PEG3: variants seen among roughly 807,000 people sequenced by gnomAD.
PEG3 encodes the protein paternally expressed 3, also known as paternally-expressed gene 3 protein.
In PEG3, 23 loss-of-function variants were observed where a neutral mutation model predicts 35.5. The ratio of observed to expected loss-of-function variants is 0.65; its 90% CI spans 0.47 to 0.92. The LOEUF (loss-of-function observed/expected upper bound fraction) is 0.92. Among genes scored for constraint, PEG3 ranks in the 40% least tolerant of loss-of-function variants. PEG3 has a pLI of 0.00. For missense variants in PEG3, 1,960 were observed against 1,985.3 expected, an observed-to-expected ratio of 0.99 and a Z score of 0.24; for synonymous variants, 707 against 697.0, an observed-to-expected ratio of 1.01 and a Z score of -0.23.
intron 2 of PEG3, among the ~76,000 whole-genome samples, chr19:56,834,497 C>T (rs2061883422): frequency 6.6e-6 from 1 of 152,214 alleles, no homozygotes; most frequent in South Asian, 2.1e-4. Flanking sequence ...ATACACACTG[C>T]TGAGTACTTG....
intron 1 of PEG3, among the ~76,000 whole-genome samples, chr19:56,839,313 T>C (rs1393553268): frequency 6.9e-6 from 1 of 143,998 alleles, no homozygotes; most frequent in African/African-American, 2.6e-5. Flanking sequence ...TCATATCCAA[T>C]GCTACACAGT....
At chr19:56,835,198 A>G (rs2061968354) in intron 2 of PEG3, among the ~76,000 whole-genome samples, 1 of 152,084 alleles carries the variant, frequency 6.6e-6, no homozygotes, top group South Asian at 2.1e-4. Context: ...GCACCCTGAA[A>G]CCAGATGATC....
At position 56,832,511 on chromosome 19, in the gene PEG3, G is replaced by A. The variant is rs567837698; in HGVS notation, c.-163+3507C>T. 1.5e-4 allele frequency among the ~76,000 whole-genome samples: 23 copies of A among 152,308 alleles called. No individual in the cohort carries two copies. The South Asian group carries it at 4.8e-3, about 32-fold the overall frequency. ...CATATCCTTCCTGGCTTGAAGGTGG[G>A]CTCCCACACACCCCTCATTACTAAA... On this transcript the variant is annotated intron_variant, in intron 2 of 9. Transcript: ENST00000326441.
rs548918125 is a variant in PEG3, at chr19:56,838,518, A to G, written c.-250+2064T>C. On this transcript the variant is annotated intron_variant, in intron 1 of 9. Transcript: ENST00000326441. ...AACCCGCCTCGCAGCTCCCCCACTA[A>G]GCCGCCCCCATACACAAGATGGAAC... 2.6e-5 allele frequency among the ~76,000 whole-genome samples: 4 copies of G among 151,730 alleles called. No homozygotes were observed. The South Asian group carries it at 8.3e-4, about 31-fold the overall frequency.
intron 2 of PEG3, among the ~76,000 whole-genome samples, chr19:56,828,439 T>C (rs1258424579): frequency 2.0e-5 from 3 of 152,152 alleles, no homozygotes; most frequent in Non-Finnish European, 4.4e-5. Flanking sequence ...CATCTGCCCA[T>C]GTGCACAAAG....
At position 56,823,583 on chromosome 19, in the gene PEG3, T is replaced by C. The variant is rs756483823; in HGVS notation, c.481+10A>G. 3 of 1,614,022 alleles carry C rather than the reference T, an allele frequency of 1.9e-6. No homozygotes were observed. The South Asian group carries it at 3.3e-5, about 18-fold the overall frequency. On this transcript the variant is annotated intron_variant, in intron 5 of 9. Coordinates refer to ENST00000326441, the MANE Select transcript of PEG3 (RefSeq NM_006210.3). ...CCCATGGGTGACCAGTGGGGATGGG[T>C]ACTCACCACTGAAAGAATGGACTGA...
intron 2 of PEG3, chr19:56,833,059 G>C (rs923668325): frequency 2.2e-6 from 1 of 451,968 alleles, no homozygotes; most frequent in South Asian, 1.6e-5. Flanking sequence ...TGATGGGTCA[G>C]TGTTCAACTG....
intron 6 of PEG3, 43 bp from the exon 7 acceptor site, chr19:56,821,797 A>T: frequency 6.2e-7 from 1 of 1,606,156 alleles, no homozygotes; most frequent in East Asian, 2.2e-5. Flanking sequence ...GGCCCAGTCC[A>T]TCCTGCAGGT....
intron 7 of PEG3, among the ~76,000 whole-genome samples, chr19:56,821,253 A>T (rs2060458592): frequency 1.3e-5 from 2 of 152,196 alleles, no homozygotes; most frequent in South Asian, 4.1e-4. Context: ...CCAGGCTTTA[A>T]ACCCAGCTCC....
At position 56,810,218 on chromosome 19, in the gene PEG3, T is replaced by C. The variant is rs1162075774; in HGVS notation, c.*3457A>G. On this transcript the variant is annotated 3_prime_UTR_variant, in exon 10 of 10. Transcript: ENST00000326441. ...GATGTTAACCACACTCTTTGGATGGTGAAAACATGGGTGAGTTTCTCTTCT... is the reference window on the plus strand; with the variant it reads ...GATGTTAACCACACTCTTTGGATGGCGAAAACATGGGTGAGTTTCTCTTCT... 6.1e-6 allele frequency: 6 copies of C among 982,966 alleles called. No individual in the cohort carries two copies. Among genetic ancestry groups the C allele is most frequent in the Non-Finnish European group, 7.2e-6 (6 of 827,816 alleles). 60.9% of individuals were successfully genotyped at this position (982,966 alleles called of 1,614,324 possible).
chr19:56,814,569 G>A lies in PEG3; in HGVS notation c.3873C>T (p.Phe1291=), dbSNP rs747269638. The A allele has an allele frequency of 1.4e-5, 23 of 1,613,694 alleles. No homozygotes were observed. Among genetic ancestry groups the A allele is most frequent in the African/African-American group, 1.1e-4 (8 of 74,914 alleles). ...GATCTGCAAGTTCTGCTGGGTTGAC[G>A]AAAGATTCTCCACAGACTGCACATT... The part of the protein sequence containing the change: ...LFECAVCGES[F]VNPAELADHV... The change falls in exon 10 of 10, where the codon TTC becomes TTT. Residue 1291 remains phenylalanine, a synonymous_variant. Coordinates refer to ENST00000326441, the MANE Select transcript of PEG3 (RefSeq NM_006210.3). This position sits in a 1 kb window ranked among gnomAD's most constrained non-coding sequence, Gnocchi z 5.8.
chr19:56,820,510 T>C (rs1187969370), intron 7 of PEG3, among the ~76,000 whole-genome samples: 2 of 152,214 alleles, frequency 1.3e-5, no homozygotes, highest in Non-Finnish European at 2.9e-5. Context: ...GCCTTCTTCC[T>C]ATATCCCAGC....
Position 56,816,053 on chromosome 19 carries a change from T to C in PEG3, c.2389A>G (p.Ser797Gly). The C allele has an allele frequency of 1.3e-6, 2 of 1,599,320 alleles. No individual in the cohort carries two copies. Among genetic ancestry groups the C allele is most frequent in the Non-Finnish European group, 1.7e-6 (2 of 1,172,918 alleles). ...AQKSHSVAGP[S>G]KPKVMAESTI... ...GACTCTGCCATTACTTTTGGTTTAC[T>C]GGGCCCTGCTACACTGTGACTTTTC... is the stretch of plus-strand genomic sequence containing the variant. The change falls in exon 10 of 10, where the codon AGT becomes GGT. Residue 797 changes from serine (S) to glycine (G), a missense_variant. Physicochemically the swap from Ser to Gly is moderately conservative, Grantham distance 56. Coordinates refer to ENST00000326441, the MANE Select transcript of PEG3 (RefSeq NM_006210.3).
chr19:56,829,036 A>G (rs2146474041), intron 2 of PEG3, among the ~76,000 whole-genome samples: 1 of 152,308 alleles, frequency 6.6e-6, no homozygotes, highest in East Asian at 1.9e-4. Flanking sequence ...AGATAAAATG[A>G]TAATAAGAAA....
intron 1 of PEG3, among the ~76,000 whole-genome samples, 193 bp from the exon 2 acceptor site, chr19:56,836,297 T>C (rs753063151): frequency 6.6e-6 from 1 of 152,128 alleles, no homozygotes; most frequent in South Asian, 2.1e-4. Flanking sequence ...CACCCTGGGA[T>C]GTACTCATAG....
At position 56,812,898 on chromosome 19, in the gene PEG3, C is replaced by T; in HGVS notation, c.*777G>A. The T allele has an allele frequency of 1.0e-6, 1 of 985,014 alleles. No homozygotes were observed. The allele number at this position is 985,014 out of a possible 1,614,324, so 61.0% of individuals were successfully genotyped here. A position where few individuals can be genotyped will look rare whatever the true frequency, so the allele number is the denominator to read the frequency against. On this transcript the variant is annotated 3_prime_UTR_variant, in exon 10 of 10. Coordinates refer to ENST00000326441, the MANE Select transcript of PEG3 (RefSeq NM_006210.3). ...TTCAACAAACATAACATGTGGCAAC[C>T]AATCAATCTGGGTCACAAAAAGCCA...
chr19:56,811,222 T>C lies in PEG3; in HGVS notation c.*2453A>G. 1 of 967,128 alleles carries C rather than the reference T, an allele frequency of 1.0e-6. No homozygotes were observed. The highest frequency in any genetic ancestry group is 5.3e-4 in the Middle Eastern group (1 of 1,886). The allele number at this position is 967,128 out of a possible 1,614,324, so 59.9% of individuals were successfully genotyped here. A position where few individuals can be genotyped will look rare whatever the true frequency, so the allele number is the denominator to read the frequency against. On this transcript the variant is annotated 3_prime_UTR_variant, in exon 10 of 10. Transcript: ENST00000326441. ...TACCATAAAGAACATTCAAGAAATT[T>C]AAGAAAATAATGCTCAACTATAAGC... is the stretch of plus-strand genomic sequence containing the variant.
rs1352540827 is a variant in PEG3, at chr19:56,813,283, A to G, written c.*392T>C. 1 of 932,258 alleles carries G rather than the reference A, an allele frequency of 1.1e-6. No individual in the cohort carries two copies. The highest frequency in any genetic ancestry group is 1.3e-6 in the Non-Finnish European group (1 of 777,250). 57.7% of individuals were successfully genotyped at this position (932,258 alleles called of 1,614,324 possible). On this transcript the variant is annotated 3_prime_UTR_variant, in exon 10 of 10. Transcript: ENST00000326441. Reference sequence around the variant, plus strand: ...AACTGTATATCATATAAATCCAAATATATGTGATCACTGTTCTGTCATAAT... The same window carrying G: ...AACTGTATATCATATAAATCCAAATGTATGTGATCACTGTTCTGTCATAAT...
intron 2 of PEG3, among the ~76,000 whole-genome samples, chr19:56,826,689 G>A (rs1031443176): frequency 2.6e-5 from 4 of 152,100 alleles, no homozygotes; most frequent in African/African-American, 4.8e-5. Context: ...AGTCAAAAAC[G>A]CAAGACAAAG....
Sources: gnomAD v4.1 joint callset for allele counts (sites outside exome capture counted in the v4.1 genomes callset) on GRCh38, gnomAD v4.1.1 for gene constraint, Gnocchi (gnomAD v3.1) non-coding constraint, MANE v1.5 for transcripts, NCBI Gene and HGNC (gene_info 2026-07-23, HGNC 2026-07-21) for gene names.